PLA2G4A: variants seen among roughly 807,000 people sequenced by gnomAD.
PLA2G4A encodes phospholipase A2 group IVA.
PLA2G4A carries 40 observed loss-of-function variants against 81.9 expected under a neutral mutation model. The ratio of observed to expected loss-of-function variants is 0.49; its 90% CI spans 0.38 to 0.64. The LOEUF is 0.64. PLA2G4A is among the 30% of genes least tolerant of loss of function. The pLI, the probability that PLA2G4A is intolerant of heterozygous loss-of-function variation, is 0.00. For synonymous variants in PLA2G4A, 302 were observed against 296.9 expected (o/e 1.02, Z -0.18); for missense variants, 715 against 905.1 (o/e 0.79, Z 2.69).
chr1:186,925,736 T>C (rs1655523410), intron 7 of PLA2G4A, among the ~76,000 whole-genome samples: 1 of 152,248 alleles, frequency 6.6e-6, no homozygotes, highest in African/African-American at 2.4e-5. Context: ...TTATGCTCTC[T>C]TATGGCATAT....
At chr1:186,887,582 A>G (rs558805926) in intron 3 of PLA2G4A, among the ~76,000 whole-genome samples, 6 of 152,206 alleles carry the variant, frequency 3.9e-5, no homozygotes, top group African/African-American at 1.4e-4. Flanking sequence ...TTTTGCCCAC[A>G]TATTACATCT....
intron 15 of PLA2G4A, among the ~76,000 whole-genome samples, chr1:186,966,873 C>T (rs1414009458): frequency 6.6e-6 from 1 of 152,148 alleles, no homozygotes; most frequent in African/African-American, 2.4e-5. Flanking sequence ...CTCCTTGTGA[C>T]TAGAACTCTG....
intron 7 of PLA2G4A, among the ~76,000 whole-genome samples, chr1:186,912,799 T>C (rs1351222758): frequency 7.4e-6 from 1 of 134,892 alleles, no homozygotes; most frequent in African/African-American, 2.9e-5. Flanking sequence ...TATATATGTA[T>C]ATATATATAT....
intron 17 of PLA2G4A, among the ~76,000 whole-genome samples, chr1:186,980,982 T>G (rs1657701755): frequency 6.6e-6 from 1 of 152,172 alleles, no homozygotes; most frequent in Admixed American, 6.5e-5. Context: ...ACGTGATACA[T>G]TATCTCTATG....
intron 2 of PLA2G4A, among the ~76,000 whole-genome samples, chr1:186,860,783 C>G (rs140399769): frequency 6.6e-6 from 1 of 152,304 alleles, no homozygotes; most frequent in African/African-American, 2.4e-5. Flanking sequence ...CTTTACCACA[C>G]AACATAGATC....
intron 3 of PLA2G4A, among the ~76,000 whole-genome samples, chr1:186,877,035 G>T (rs1177554402): frequency 1.3e-5 from 2 of 152,042 alleles, no homozygotes; most frequent in Non-Finnish European, 2.9e-5. Context: ...GAGAAGCAGG[G>T]TGTTGGATAT....
At chr1:186,987,363 G>C (rs1657923705) in intron 17 of PLA2G4A, among the ~76,000 whole-genome samples, 1 of 152,246 alleles carries the variant, frequency 6.6e-6, no homozygotes, top group Non-Finnish European at 1.5e-5. Context: ...CCTACCTGTG[G>C]CAAGGGGCTG....
At chr1:186,956,695 G>A (rs1207537747) in intron 14 of PLA2G4A, among the ~76,000 whole-genome samples, 1 of 151,968 alleles carries the variant, frequency 6.6e-6, no homozygotes, top group African/African-American at 2.4e-5. Flanking sequence ...TGTAGTTTTT[G>A]TAGAGACAGG....
chr1:186,884,750 G>A (rs928441359), intron 3 of PLA2G4A, among the ~76,000 whole-genome samples: 1 of 152,000 alleles, frequency 6.6e-6, no homozygotes, highest in Non-Finnish European at 1.5e-5. Context: ...ATGATGGTGT[G>A]AGCTTGTAGT....
At chr1:186,923,889 G>A (rs1164270498) in intron 7 of PLA2G4A, among the ~76,000 whole-genome samples, 2 of 152,144 alleles carry the variant, frequency 1.3e-5, no homozygotes, top group Non-Finnish European at 2.9e-5. Flanking sequence ...TTCCCCTCAT[G>A]ACAGATAGAC....
intron 6 of PLA2G4A, among the ~76,000 whole-genome samples, chr1:186,909,130 C>A (rs1420323636): frequency 6.7e-6 from 1 of 150,358 alleles, no homozygotes; most frequent in Non-Finnish European, 1.5e-5. Flanking sequence ...CCAGCCACCA[C>A]GCCCGGCTAA....
chr1:186,852,873 A>G (rs900950693), intron 1 of PLA2G4A, among the ~76,000 whole-genome samples: 3 of 151,988 alleles, frequency 2.0e-5, no homozygotes, highest in Non-Finnish European at 2.9e-5. Flanking sequence ...CAAAACAAAG[A>G]TTATAGTAAT....
At chr1:186,929,528 A>G (rs1655664471) in intron 7 of PLA2G4A, among the ~76,000 whole-genome samples, 1 of 152,212 alleles carries the variant, frequency 6.6e-6, no homozygotes, top group African/African-American at 2.4e-5. Context: ...ATATATCAAT[A>G]TATCAAGATC....
intron 4 of PLA2G4A, among the ~76,000 whole-genome samples, chr1:186,893,375 C>A (rs1654215625): frequency 6.6e-6 from 1 of 152,062 alleles, no homozygotes; most frequent in Admixed American, 6.5e-5. Context: ...TGCTGTCCTC[C>A]CCACGTGCTT....
At chr1:186,870,015 A>G (rs1373883399) in intron 2 of PLA2G4A, among the ~76,000 whole-genome samples, 3 of 152,236 alleles carry the variant, frequency 2.0e-5, no homozygotes, top group African/African-American at 4.8e-5. Flanking sequence ...TGGAAATGTC[A>G]TGCAGAAAAG....
chr1:186,928,449 C>T (rs1435178347), intron 7 of PLA2G4A, among the ~76,000 whole-genome samples: 1 of 152,116 alleles, frequency 6.6e-6, no homozygotes, highest in Non-Finnish European at 1.5e-5. Flanking sequence ...AGACTTGCCT[C>T]ACTGAGCAGG....
chr1:186,898,104 A>G (rs1654405796), intron 5 of PLA2G4A, among the ~76,000 whole-genome samples: 1 of 152,084 alleles, frequency 6.6e-6, no homozygotes, highest in African/African-American at 2.4e-5. Context: ...AATTCCTCTC[A>G]TTTTACAGAT....
intron 3 of PLA2G4A, among the ~76,000 whole-genome samples, chr1:186,879,416 C>G (rs2102077091): frequency 6.6e-6 from 1 of 152,038 alleles, no homozygotes; most frequent in Admixed American, 6.6e-5. Flanking sequence ...TTGAAAATTA[C>G]AAGAAAAATA....
At chr1:186,869,555 C>A (rs1171921306) in intron 2 of PLA2G4A, among the ~76,000 whole-genome samples, 1 of 152,134 alleles carries the variant, frequency 6.6e-6, no homozygotes, top group Non-Finnish European at 1.5e-5. Flanking sequence ...ACACTTTTGA[C>A]AATTTTTTTT....
Sources: allele counts gnomAD v4.1 joint callset (sites outside exome capture counted in the v4.1 genomes callset), GRCh38; gene constraint gnomAD v4.1.1; transcripts MANE v1.5; gene names NCBI Gene and HGNC (gene_info 2026-07-23, HGNC 2026-07-21).